The following ARHGAP15 variants were observed in gnomAD, a reference collection of about 807,000 sequenced individuals.
ARHGAP15 encodes rho GTPase-activating protein 15.
ARHGAP15 carries 51 observed loss-of-function variants against 63.7 expected under a neutral mutation model. That is an observed-to-expected ratio of 0.80 (90% CI 0.64 to 1.01). The LOEUF is 1.01. Ranked by LOEUF, ARHGAP15 falls within the 50% of genes least tolerant of loss-of-function variation. The probability of loss-of-function intolerance (pLI) is 0.00; values close to 1 mark genes in which losing one functional copy is unlikely to be tolerated. For synonymous variants in ARHGAP15, 191 were observed against 193.8 expected, an observed-to-expected ratio of 0.99 and a Z score of 0.12; for missense variants, 560 against 564.6, an observed-to-expected ratio of 0.99 and a Z score of 0.08.
intron 6 of ARHGAP15, among the ~76,000 whole-genome samples, chr2:143,336,644 G>C (rs1684786747): frequency 1.3e-5 from 2 of 152,072 alleles, no homozygotes; most frequent in Admixed American, 6.6e-5. Context: ...AAAGGCCCCA[G>C]GGAACTACCC....
chr2:143,541,881 C>T (rs1054955541), intron 10 of ARHGAP15, among the ~76,000 whole-genome samples: 30 of 152,298 alleles, frequency 2.0e-4, no homozygotes, highest in Admixed American at 3.9e-4. Flanking sequence ...GTTTGCTGGG[C>T]GAACCACTAC....
At chr2:143,680,025 A>T (rs1302662750) in intron 12 of ARHGAP15, among the ~76,000 whole-genome samples, 1 of 9,966 alleles carries the variant, frequency 1.0e-4, no homozygotes, top group African/African-American at 1.1e-4. Context: ...AATGATTAAA[A>T]AAAAAAAAAA....
chr2:143,705,907 C>A (rs1266601503), intron 13 of ARHGAP15, among the ~76,000 whole-genome samples: 1 of 152,138 alleles, frequency 6.6e-6, no homozygotes, highest in East Asian at 1.9e-4. Flanking sequence ...AATGCCTGAT[C>A]CTGTTTTTTA....
At chr2:143,463,221 T>C (rs1691038289) in intron 8 of ARHGAP15, among the ~76,000 whole-genome samples, 1 of 151,268 alleles carries the variant, frequency 6.6e-6, no homozygotes, top group Admixed American at 6.6e-5. Context: ...GTAGCTCACC[T>C]GGCCTAGTCT....
intron 12 of ARHGAP15, among the ~76,000 whole-genome samples, chr2:143,702,345 G>T (rs911279532): frequency 1.3e-5 from 2 of 151,948 alleles, no homozygotes; most frequent in African/African-American, 4.8e-5. Context: ...AAATCAATGT[G>T]GTATGCAGTT....
intron 6 of ARHGAP15, among the ~76,000 whole-genome samples, chr2:143,279,757 T>A (rs1164255649): frequency 2.0e-5 from 3 of 152,154 alleles, no homozygotes; most frequent in African/African-American, 7.2e-5. Flanking sequence ...ATTGAACACT[T>A]TCATTAACTA....
chr2:143,505,393 A>C (rs527252061), intron 9 of ARHGAP15, among the ~76,000 whole-genome samples: 1 of 152,322 alleles, frequency 6.6e-6, no homozygotes, highest in East Asian at 1.9e-4. Flanking sequence ...TTTGGTGGGC[A>C]ACTTTGGGAC....
intron 12 of ARHGAP15, among the ~76,000 whole-genome samples, chr2:143,683,233 T>A (rs1465330028): frequency 2.0e-5 from 3 of 152,184 alleles, no homozygotes; most frequent in African/African-American, 7.2e-5. Context: ...TCATTTAAAT[T>A]GAGGTGCAAG....
At chr2:143,641,099 A>G (rs896694664) in intron 12 of ARHGAP15, 1 of 152,146 alleles carries the variant, frequency 6.6e-6, no homozygotes, top group African/African-American at 2.4e-5. Context: ...GTTCCAACTT[A>G]CGCTGTTAAA....
chr2:143,474,358 C>G (rs935122660), intron 8 of ARHGAP15, among the ~76,000 whole-genome samples: 1 of 152,152 alleles, frequency 6.6e-6, no homozygotes, highest in Non-Finnish European at 1.5e-5. Flanking sequence ...ATTATGCATA[C>G]AAATTTAAAT....
intron 1 of ARHGAP15, among the ~76,000 whole-genome samples, chr2:143,144,082 C>T (rs1024218058): frequency 2.0e-5 from 3 of 152,022 alleles, no homozygotes; most frequent in Non-Finnish European, 4.4e-5. Context: ...CATGAACCTG[C>T]AAAGGACATG....
At chr2:143,667,889 G>C (rs1372476619) in intron 12 of ARHGAP15, among the ~76,000 whole-genome samples, 4 of 152,114 alleles carry the variant, frequency 2.6e-5, no homozygotes, top group African/African-American at 9.7e-5. Flanking sequence ...TCAGGAAGCT[G>C]AGATGGAAGG....
chr2:143,591,611 GTTCTTTTTTTTTT>G (rs912499194), intron 11 of ARHGAP15, among the ~76,000 whole-genome samples: 2 of 92,654 alleles, frequency 2.2e-5, no homozygotes, highest in East Asian at 2.8e-4. Context: ...TTTTTTGTTT[GTTCTTTTTTTTTT>G]TTCTTTTTTT....
chr2:143,150,663 G>A (rs1689778161), intron 1 of ARHGAP15, among the ~76,000 whole-genome samples: 1 of 151,910 alleles, frequency 6.6e-6, no homozygotes, highest in African/African-American at 2.4e-5. Context: ...TAAAATCAAT[G>A]GATATCTCAA....
intron 11 of ARHGAP15, among the ~76,000 whole-genome samples, chr2:143,604,916 G>C (rs965105737): frequency 1.2e-4 from 18 of 151,950 alleles, no homozygotes; most frequent in African/African-American, 4.1e-4. Context: ...TTTTGTTTTT[G>C]TTTTTGTTTT....
intron 6 of ARHGAP15, among the ~76,000 whole-genome samples, chr2:143,259,726 T>G (rs957663588): frequency 1.3e-5 from 2 of 152,124 alleles, no homozygotes; most frequent in Non-Finnish European, 2.9e-5. Flanking sequence ...TCTCCCTGTC[T>G]TGTCGTGGAA....
chr2:143,766,452 C>T (rs185086426), intron 13 of ARHGAP15, among the ~76,000 whole-genome samples: 1 of 152,224 alleles, frequency 6.6e-6, no homozygotes, highest in African/African-American at 2.4e-5. Context: ...TCACAATGGC[C>T]CCCAACGTGC....
At chr2:143,741,325 A>C (rs1230737784) in intron 13 of ARHGAP15, 7 of 152,350 alleles carry the variant, frequency 4.6e-5, no homozygotes, top group Middle Eastern at 6.8e-3. Context: ...TTTTATTTTT[A>C]AAATGCTCAA....
chr2:143,524,708 G>T (rs1244873543), intron 10 of ARHGAP15, among the ~76,000 whole-genome samples: 2 of 152,142 alleles, frequency 1.3e-5, no homozygotes, highest in Non-Finnish European at 2.9e-5. Flanking sequence ...GTGACTATTT[G>T]GATATGTGTG....
Sources: allele counts gnomAD v4.1 joint callset (sites outside exome capture counted in the v4.1 genomes callset), GRCh38; gene constraint gnomAD v4.1.1; transcripts MANE v1.5; gene names NCBI Gene and HGNC (gene_info 2026-07-23, HGNC 2026-07-21).